Variants in FHOD3 observed in about 807,000 individuals in gnomAD.
FHOD3 encodes the protein FH1/FH2 domain-containing protein 3.
Under a neutral mutation model 173.0 loss-of-function variants are expected in FHOD3, and 90 were observed. The observed-to-expected ratio is 0.52, with a 90% confidence interval of 0.44 to 0.62. The LOEUF is 0.62. Ranked by LOEUF, FHOD3 falls within the 20% of genes least tolerant of loss-of-function variation. FHOD3 has a pLI of 0.00. For synonymous variants in FHOD3, 828 were observed against 823.0 expected (o/e 1.01, Z -0.10); for missense variants, 1,945 against 2,034.7 (o/e 0.96, Z 0.85).
chr18:36,663,117 A>G (rs1419490718), intron 14 of FHOD3, among the ~76,000 whole-genome samples: 1 of 152,186 alleles, frequency 6.6e-6, no homozygotes, highest in Non-Finnish European at 1.5e-5. Context: ...TTCCTACTGA[A>G]GAAAGCCTTT....
At chr18:36,435,164 A>G (rs896881406) in intron 3 of FHOD3, among the ~76,000 whole-genome samples, 6 of 150,486 alleles carry the variant, frequency 4.0e-5, no homozygotes, top group Non-Finnish European at 8.8e-5. Flanking sequence ...AGTGGGTTGT[A>G]AACTAAATGG....
chr18:36,617,583 C>G (rs77649433), intron 9 of FHOD3, among the ~76,000 whole-genome samples: 3,897 of 116,350 alleles, frequency 0.033, 157 homozygotes, highest in African/African-American at 0.1. Context: ...TTGTACTTCC[C>G]TGTGTGTGTG....
At chr18:36,751,069 G>A (rs2042383965) in intron 24 of FHOD3, among the ~76,000 whole-genome samples, 1 of 152,158 alleles carries the variant, frequency 6.6e-6, no homozygotes, top group Non-Finnish European at 1.5e-5. Flanking sequence ...ACTGCTTTGG[G>A]CAGTATGGCC....
At chr18:36,346,425 GC>G (rs1288576234) in intron 1 of FHOD3, among the ~76,000 whole-genome samples, 1 of 152,040 alleles carries the variant, frequency 6.6e-6, no homozygotes, top group Non-Finnish European at 1.5e-5. Flanking sequence ...CCATCTCCCT[GC>G]CCCCAAACAG....
intron 5 of FHOD3, among the ~76,000 whole-genome samples, chr18:36,543,521 C>T (rs182116438): frequency 7.8e-4 from 118 of 152,246 alleles, no homozygotes; most frequent in African/African-American, 2.8e-3. Context: ...TCAGGAGGAA[C>T]AGCCAAGAAG....
intron 5 of FHOD3, among the ~76,000 whole-genome samples, chr18:36,552,222 AG>A (rs775782285): frequency 1.9e-4 from 29 of 152,206 alleles, no homozygotes; most frequent in East Asian, 5.8e-4. Flanking sequence ...CAGCCCTTTA[AG>A]TTGGATTCCT....
At chr18:36,571,588 T>C (rs536510131) in intron 5 of FHOD3, among the ~76,000 whole-genome samples, 24 of 152,254 alleles carry the variant, frequency 1.6e-4, no homozygotes, top group Non-Finnish European at 2.8e-4. Context: ...GAAGAACGAA[T>C]AGGAAGAATC....
intron 3 of FHOD3, among the ~76,000 whole-genome samples, chr18:36,485,860 A>G (rs557782925): frequency 3.9e-5 from 6 of 152,322 alleles, no homozygotes; most frequent in African/African-American, 7.2e-5. Context: ...CAGCAATGCC[A>G]GGCTGTCTCA....
At chr18:36,339,054 T>C (rs545964025) in intron 1 of FHOD3, among the ~76,000 whole-genome samples, 3 of 152,194 alleles carry the variant, frequency 2.0e-5, no homozygotes, top group African/African-American at 7.2e-5. Flanking sequence ...GGTGTCTCTG[T>C]CACCTTTTCT....
At chr18:36,779,267 C>T (rs530376786) in intron 28 of FHOD3, 181 bp from the exon 29 acceptor site, 18 of 591,620 alleles carry the variant, frequency 3.0e-5, no homozygotes, top group Non-Finnish European at 5.1e-5. Flanking sequence ...AAACTTTTGT[C>T]CTGGCAGACA....
In FHOD3 at chr18:36,512,456, C is replaced by T; in HGVS notation, c.424C>T (p.His142Tyr). 6.2e-7 allele frequency: 1 copy of T among 1,613,788 alleles called. No homozygotes were observed. Among genetic ancestry groups the T allele is most frequent in the South Asian group, 1.1e-5 (1 of 91,058 alleles). Reference sequence around the variant, plus strand: ...CTGCCAGGATGACAAGGATTTGGTGCATGAATTTGTAGTGGCTGAAGGTCT... The same window carrying T: ...CTGCCAGGATGACAAGGATTTGGTGTATGAATTTGTAGTGGCTGAAGGTCT... Reference protein sequence around the residue: ...QIFQDDKDLVHEFVVAEGLTC... With the variant: ...QIFQDDKDLVYEFVVAEGLTC... The change falls in exon 5 of 29, where the codon CAT becomes TAT. Residue 142 changes from histidine (H) to tyrosine (Y), a missense_variant. Around this residue, in one of 5 missense-constraint regions of FHOD3, gnomAD observed 245 missense variants for 267.7 expected, o/e 0.92. Coordinates refer to ENST00000590592, the MANE Select transcript of FHOD3 (RefSeq NM_001281740.3).
chr18:36,437,210 T>C (rs1278536474), intron 3 of FHOD3, among the ~76,000 whole-genome samples: 1 of 151,978 alleles, frequency 6.6e-6, no homozygotes, highest in Non-Finnish European at 1.5e-5. Flanking sequence ...CTTCGCCTCC[T>C]GGACTCAAGT....
chr18:36,610,436 C>T, intron 8 of FHOD3, among the ~76,000 whole-genome samples: 1 of 152,218 alleles, frequency 6.6e-6, no homozygotes, highest in South Asian at 2.1e-4. Flanking sequence ...TAGCCTGGTT[C>T]CTGTAGACAC....
chr18:36,422,353 G>GTA lies in FHOD3; in HGVS notation c.337+49614_337+49615dup, dbSNP rs917480685. 1.4e-3 allele frequency among the ~76,000 whole-genome samples: 206 copies of GTA among 152,198 alleles called. 2 individuals carry two copies. Among genetic ancestry groups the GTA allele is most frequent in the African/African-American group, 4.7e-3 (196 of 41,508 alleles). ...ACAGCTGAATAATATTCAGTTCCAT[G>GTA]TATATAGGAATCCTATGTAACCTAT... On this transcript the variant is annotated intron_variant, in intron 3 of 28. Transcript: ENST00000590592.
rs142186343 is a variant in FHOD3, at chr18:36,625,609, C to G, written c.1056C>G (p.Gly352=). The change falls in exon 10 of 29, where the codon GGC becomes GGG. Residue 352 remains glycine (G), a synonymous_variant. Transcript: ENST00000590592. The part of the protein sequence containing the change: ...RRASVCSSGG[G]EHRGLDRRRS... ...CCAGCGTGTGTTCCAGTGGCGGAGG[C>G]GAGCACCGGGGCCTGGACCGCAGAA... 58 of 1,585,332 alleles carry G rather than the reference C, an allele frequency of 3.7e-5. No individual in the cohort carries two copies. The highest frequency in any genetic ancestry group is 4.9e-5 in the Non-Finnish European group (57 of 1,162,070).
At chr18:36,602,840 T>A in intron 8 of FHOD3, 72 bp downstream of exon 8, 1 of 1,154,302 alleles carries the variant, frequency 8.7e-7, no homozygotes, top group Non-Finnish European at 1.3e-6. Context: ...CCCTGGTATC[T>A]GTGCTTGTGG....
intron 18 of FHOD3, among the ~76,000 whole-genome samples, chr18:36,712,216 A>G (rs950561134): frequency 2.6e-5 from 4 of 152,242 alleles, no homozygotes; most frequent in Admixed American, 6.5e-5. Context: ...TAATGGAAAA[A>G]TCACTCATCA....
At chr18:36,417,751 G>A (rs2147012779) in intron 3 of FHOD3, among the ~76,000 whole-genome samples, 1 of 152,272 alleles carries the variant, frequency 6.6e-6, no homozygotes, top group Admixed American at 6.5e-5. Context: ...AAGGACGATA[G>A]CAAATATGAA....
At chr18:36,322,399 CT>C (rs1443575476) in intron 1 of FHOD3, among the ~76,000 whole-genome samples, 1 of 152,130 alleles carries the variant, frequency 6.6e-6, no homozygotes, top group Admixed American at 6.5e-5. Context: ...AGTAAGTTGT[CT>C]GTTTTCTTTT....
Sources: allele counts gnomAD v4.1 joint callset (sites outside exome capture counted in the v4.1 genomes callset), GRCh38; gene constraint gnomAD v4.1.1; regional missense constraint gnomAD v4.1.1; transcripts MANE v1.5; gene names NCBI Gene and HGNC (gene_info 2026-07-23, HGNC 2026-07-21).